DOCK1: variants seen among roughly 807,000 people sequenced by gnomAD.
The protein encoded by DOCK1 is dedicator of cytokinesis 1.
A neutral mutation model predicts 262.7 loss-of-function variants in DOCK1; 138 were observed. That is an observed-to-expected ratio of 0.53 (90% CI 0.46 to 0.61). The LOEUF is 0.61. DOCK1 is among the 20% of genes least tolerant of loss of function. The probability of loss-of-function intolerance (pLI) is 0.00; values close to 1 mark genes in which losing one functional copy is unlikely to be tolerated. For synonymous variants in DOCK1, 866 were observed against 867.4 expected, an observed-to-expected ratio of 1.00 and a Z score of 0.03; for missense variants, 1,908 against 2,370.7, an observed-to-expected ratio of 0.80 and a Z score of 4.05.
intron 33 of DOCK1, among the ~76,000 whole-genome samples, chr10:127,366,116 C>T (rs1275449907): frequency 1.3e-5 from 2 of 151,928 alleles, no homozygotes; most frequent in Middle Eastern, 3.2e-3. Context: ...TCAGGCTGAG[C>T]GTGGTCAGCT....
intron 23 of DOCK1, among the ~76,000 whole-genome samples, chr10:127,072,153 G>A (rs2046269683): frequency 6.6e-6 from 1 of 152,156 alleles, no homozygotes; most frequent in South Asian, 2.1e-4. Context: ...CCTCCATCAT[G>A]GTCAGGATTT....
intron 27 of DOCK1, among the ~76,000 whole-genome samples, chr10:127,171,738 C>T (rs1178857971): frequency 6.6e-6 from 1 of 152,146 alleles, no homozygotes; most frequent in Admixed American, 6.5e-5. Flanking sequence ...GAGTCTCGCT[C>T]TGTTGCCCAG....
chr10:127,003,531 A>C (rs1258966097), intron 10 of DOCK1, among the ~76,000 whole-genome samples: 2 of 152,160 alleles, frequency 1.3e-5, no homozygotes, highest in African/African-American at 4.8e-5. Flanking sequence ...GCCTGGCTCC[A>C]CTACATGCCC....
chr10:127,396,747 T>A (rs1243601988), intron 38 of DOCK1, among the ~76,000 whole-genome samples: 17 of 116,336 alleles, frequency 1.5e-4, no homozygotes, highest in Admixed American at 3.7e-4. Context: ...ATGTCATATC[T>A]CTGTTACAAA....
chr10:127,377,456 A>G (rs2065561320), intron 35 of DOCK1, among the ~76,000 whole-genome samples: 1 of 152,190 alleles, frequency 6.6e-6, no homozygotes, highest in Admixed American at 6.5e-5. Flanking sequence ...TAAATTAATA[A>G]AATAAAGAAC....
At chr10:127,192,238 C>T (rs779182760) in intron 27 of DOCK1, among the ~76,000 whole-genome samples, 2 of 152,110 alleles carry the variant, frequency 1.3e-5, no homozygotes, top group African/African-American at 4.8e-5. Flanking sequence ...ATAAACAGTT[C>T]AGTGCTCTAT....
intron 29 of DOCK1, among the ~76,000 whole-genome samples, chr10:127,276,630 C>T (rs2060752355): frequency 6.6e-6 from 1 of 152,146 alleles, no homozygotes; most frequent in South Asian, 2.1e-4. Flanking sequence ...AGGCAGGCAG[C>T]CTGATCTTTT....
intron 27 of DOCK1, among the ~76,000 whole-genome samples, chr10:127,225,947 G>A (rs1302866370): frequency 2.0e-5 from 3 of 151,958 alleles, no homozygotes; most frequent in East Asian, 1.9e-4. Flanking sequence ...GCATGGTGGC[G>A]GGTGCCTGTA....
At chr10:127,451,219 G>A (rs1244038954) in intron 51 of DOCK1, 113 bp from the exon 52 acceptor site, 2 of 1,194,638 alleles carry the variant, frequency 1.7e-6, no homozygotes, top group Admixed American at 2.2e-5. Flanking sequence ...AACTCATGTG[G>A]GGAGGATGGT....
chr10:127,228,774 A>G (rs542277090), intron 27 of DOCK1, among the ~76,000 whole-genome samples: 45 of 152,332 alleles, frequency 3.0e-4, no homozygotes, highest in African/African-American at 1.0e-3. Context: ...TTATGTCAAC[A>G]TTTTTAAATT....
chr10:127,000,347 T>G (rs1341605725), intron 10 of DOCK1, 40 bp downstream of exon 10: 1 of 1,601,978 alleles, frequency 6.2e-7, no homozygotes, highest in Non-Finnish European at 8.5e-7. Context: ...GTTTCAGATC[T>G]TCACAGTCAC....
chr10:127,260,897 A>ATG (rs1262372972), intron 29 of DOCK1, among the ~76,000 whole-genome samples: 3 of 97,228 alleles, frequency 3.1e-5, no homozygotes, highest in Non-Finnish European at 5.9e-5. Context: ...ACCCGTGCTC[A>ATG]TCTGTGTACC....
At chr10:127,314,092 C>T (rs1275500766) in intron 29 of DOCK1, among the ~76,000 whole-genome samples, 1 of 152,192 alleles carries the variant, frequency 6.6e-6, no homozygotes, top group Non-Finnish European at 1.5e-5. Flanking sequence ...CATCTGCACG[C>T]ACTTGTTTTC....
chr10:127,031,556 G>A (rs1360557571), intron 16 of DOCK1, 94 bp from the exon 17 acceptor site: 4 of 946,902 alleles, frequency 4.2e-6, no homozygotes, highest in Non-Finnish European at 6.3e-6. Context: ...TTTTGTAATT[G>A]TTTTCATAAA....
rs1326283340 is a variant in DOCK1 at position 127,186,507 on chromosome 10, G to GCCCC, written c.2847+58747_2847+58750dup. ...TCATGATAACAGCATGGGAGAAACC[G>GCCCC]CCCCCCCGCCCCCCCCCGATCCAGT... On this transcript the variant is annotated intron_variant, in intron 27 of 51. Transcript: ENST00000623213. 5.1e-4 allele frequency among the ~76,000 whole-genome samples: 3 copies of GCCCC among 5,908 alleles called. 1 individual carries two copies. The highest frequency in any genetic ancestry group is 9.6e-4 in the African/African-American group (3 of 3,110). The allele number at this position is 5,908 out of a possible 152,430, so 3.9% of individuals were successfully genotyped here. A position where few individuals can be genotyped will look rare whatever the true frequency, so the allele number is the denominator to read the frequency against.
intron 1 of DOCK1, among the ~76,000 whole-genome samples, chr10:126,937,838 T>C (rs2034658819): frequency 6.6e-6 from 1 of 152,068 alleles, no homozygotes; most frequent in Non-Finnish European, 1.5e-5. Context: ...TACACAAAAG[T>C]TTTTAATTTT....
intron 29 of DOCK1, among the ~76,000 whole-genome samples, chr10:127,296,505 G>T (rs1397025826): frequency 1.3e-5 from 2 of 152,232 alleles, no homozygotes; most frequent in East Asian, 3.9e-4. Flanking sequence ...AAGCCAACAA[G>T]AAACCTGCCG....
chr10:127,227,998 A>G lies in DOCK1; in HGVS notation c.2848-20010A>G, dbSNP rs114030325. 8.4e-4 allele frequency among the ~76,000 whole-genome samples: 128 copies of G among 152,294 alleles called. 1 individual carries two copies. Among genetic ancestry groups the G allele is most frequent in the African/African-American group, 2.8e-3 (117 of 41,580 alleles). On this transcript the variant is annotated intron_variant, in intron 27 of 51. Coordinates refer to ENST00000623213, the MANE Select transcript of DOCK1 (RefSeq NM_001290223.2). ...CCTTCCAGAAACCTGATATGTTGGCAATTTCTCAAGCTTTGACTCTTTCTT... is the reference window on the plus strand; with the variant it reads ...CCTTCCAGAAACCTGATATGTTGGCGATTTCTCAAGCTTTGACTCTTTCTT...
At chr10:126,924,553 A>T (rs2033527512) in intron 1 of DOCK1, among the ~76,000 whole-genome samples, 1 of 152,226 alleles carries the variant, frequency 6.6e-6, no homozygotes, top group Non-Finnish European at 1.5e-5. Flanking sequence ...ACGGCCCTTG[A>T]AACGGCAGGG....
Sources: gnomAD v4.1 joint callset for allele counts (sites outside exome capture counted in the v4.1 genomes callset) on GRCh38, gnomAD v4.1.1 for gene constraint, MANE v1.5 for transcripts, NCBI Gene and HGNC (gene_info 2026-07-23, HGNC 2026-07-21) for gene names.